The following PTPN5 variants were observed in gnomAD, a reference collection of about 807,000 sequenced individuals.
PTPN5 encodes the protein protein tyrosine phosphatase non-receptor type 5.
Under a neutral mutation model 73.9 loss-of-function variants are expected in PTPN5, and 29 were observed. The ratio of observed to expected loss-of-function variants is 0.39; its 90% CI spans 0.29 to 0.54. The LOEUF is 0.54. Ranked by LOEUF, PTPN5 falls within the 20% of genes least tolerant of loss-of-function variation. PTPN5 has a pLI of 0.65. For missense variants in PTPN5, 652 were observed against 751.4 expected (o/e 0.87, Z 1.55); for synonymous variants, 267 against 304.7 (o/e 0.88, Z 1.29).
chr11:18,729,581 G>T lies in PTPN5; in HGVS notation c.1491-15C>A, dbSNP rs747214022. 7.0e-6 allele frequency: 11 copies of T among 1,573,198 alleles called. No individual in the cohort carries two copies. Among genetic ancestry groups the T allele is most frequent in the Non-Finnish European group, 9.5e-6 (11 of 1,155,452 alleles). On this transcript the variant is annotated splice_polypyrimidine_tract_variant and intron_variant, in intron 13 of 14. Transcript: ENST00000358540. This position sits in a 1 kb window ranked among gnomAD's most constrained non-coding sequence, Gnocchi z 5.2. The stretch of plus-strand genomic sequence containing the variant: ...CAATCCCTGCACTGAGGGCCGAGGG[G>T]ACCGGTGGGGTGAGGGGCAGGGCAG...
rs1851946176 is a variant in PTPN5 at position 18,791,793 on chromosome 11, A to G, written c.-382T>C. 1.3e-5 allele frequency: 2 copies of G among 152,070 alleles called. No homozygotes were observed. Among genetic ancestry groups the G allele is most frequent in the African/African-American group, 2.4e-5 (1 of 41,508 alleles). 9.4% of individuals were successfully genotyped at this position (152,070 alleles called of 1,614,324 possible). A position where few individuals can be genotyped will look rare whatever the true frequency, so the allele number is the denominator to read the frequency against. ...GCCTCACCAAATGCGCTTCAGCTGC[A>G]GAGTCGCTGGCGCAGCCGCCGGGTG... On this transcript the variant is annotated 5_prime_UTR_variant, in exon 1 of 15. Coordinates refer to ENST00000358540, the MANE Select transcript of PTPN5 (RefSeq NM_006906.2).
At chr11:18,746,195 ATT>A (rs1554916252) in intron 3 of PTPN5, among the ~76,000 whole-genome samples, 3 of 114,012 alleles carry the variant, frequency 2.6e-5, no homozygotes, top group African/African-American at 3.2e-5. Context: ...ATATATATAC[ATT>A]TTTTTTTTTT....
At chr11:18,774,490 T>A (rs1261232811) in intron 1 of PTPN5, among the ~76,000 whole-genome samples, 1 of 152,164 alleles carries the variant, frequency 6.6e-6, no homozygotes, top group African/African-American at 2.4e-5. Context: ...TGAACTGAAT[T>A]TACCAGCTTC....
chr11:18,773,113 G>C (rs950855314), intron 1 of PTPN5, among the ~76,000 whole-genome samples: 1 of 152,124 alleles, frequency 6.6e-6, no homozygotes. Context: ...TCTAAAAGGG[G>C]AGTGTGGAAA....
intron 1 of PTPN5, among the ~76,000 whole-genome samples, chr11:18,783,478 T>TAGG (rs1851534133): frequency 6.6e-6 from 1 of 152,234 alleles, no homozygotes; most frequent in South Asian, 2.1e-4. Context: ...GTCTCTCCTG[T>TAGG]GTTCCCACAG....
intron 12 of PTPN5, 122 bp downstream of exon 12, chr11:18,732,470 C>G (rs978284818): frequency 1.2e-5 from 9 of 726,054 alleles, no homozygotes; most frequent in Non-Finnish European, 1.9e-5. Flanking sequence ...ATCAGAAAAT[C>G]TGGGAGTGAC....
At chr11:18,734,873 T>A (rs1004335254) in intron 9 of PTPN5, among the ~76,000 whole-genome samples, 8 of 152,278 alleles carry the variant, frequency 5.3e-5, no homozygotes, top group African/African-American at 7.2e-5. Flanking sequence ...AGTGTGCACA[T>A]TAGGAGGCTC....
At chr11:18,757,142 T>TA (rs1254289666) in intron 3 of PTPN5, among the ~76,000 whole-genome samples, 1 of 152,058 alleles carries the variant, frequency 6.6e-6, no homozygotes, top group Non-Finnish European at 1.5e-5. Flanking sequence ...TAAGAAACCA[T>TA]AAAAAAATGA....
chr11:18,753,670 T>C (rs984701067), intron 3 of PTPN5, among the ~76,000 whole-genome samples: 1 of 152,186 alleles, frequency 6.6e-6, no homozygotes, highest in Non-Finnish European at 1.5e-5. Flanking sequence ...CCTAGGATGT[T>C]AATGTCAAGG....
rs2134221860 is a variant in PTPN5, at chr11:18,742,294, T to C, written c.693A>G (p.Ser231=). The C allele has an allele frequency of 1.2e-6, 2 of 1,613,872 alleles. No individual in the cohort carries two copies. Among genetic ancestry groups the C allele is most frequent in the South Asian group, 2.2e-5 (2 of 91,060 alleles). ...MDIKPEADPT[S]LTVKSMGLQE... is the part of the protein sequence containing the mutation. ...GCAGACCCATGGACTTGACGGTGAG[T>C]GAGGTGGGGTCAGCCTCAGGCTTGA... Residue 231 remains serine, a synonymous_variant, in exon 7 of 15, where the codon TCA becomes TCG. Coordinates refer to ENST00000358540, the MANE Select transcript of PTPN5 (RefSeq NM_006906.2). This position sits in a 1 kb window ranked among gnomAD's most constrained non-coding sequence, Gnocchi z 4.1.
chr11:18,743,567 G>A (rs1849474665), intron 4 of PTPN5, 138 bp from the exon 5 acceptor site: 1 of 754,760 alleles, frequency 1.3e-6, no homozygotes, highest in African/African-American at 1.7e-5. Context: ...GCAGCTGAGA[G>A]CAGGGCCCCG....
intron 1 of PTPN5, among the ~76,000 whole-genome samples, chr11:18,775,084 T>TGGAGGAAC (rs1319606414): frequency 6.6e-6 from 1 of 152,194 alleles, no homozygotes; most frequent in African/African-American, 2.4e-5. Context: ...CAGCAGCCCC[T>TGGAGGAAC]GGAGGAACGT....
At position 18,741,565 on chromosome 11, in the gene PTPN5, ATCTGGCTCACCC is replaced by A. The variant is rs573141840; in HGVS notation, c.725+685_725+696del. ...ACATGGGTAACTCAAATTTGGTGTG[ATCTGGCTCACCC>A]ACCTAGACTCTGAAACGAGGGTGTC... is the stretch of plus-strand genomic sequence containing the variant. On this transcript the variant is annotated intron_variant, in intron 7 of 14. Transcript: ENST00000358540. Among the ~76,000 whole-genome samples, 43 of 152,284 alleles carry A rather than the reference ATCTGGCTCACCC, an allele frequency of 2.8e-4. 1 individual carries two copies. The South Asian group carries it at 8.7e-3, about 31-fold the overall frequency.
chr11:18,742,603 T>A lies in PTPN5; in HGVS notation c.484-100A>T. On this transcript the variant is annotated intron_variant, in intron 6 of 14. Transcript: ENST00000358540. The surrounding 1 kb of genome is among the most constrained non-coding windows in gnomAD (Gnocchi z 4.1). Reference sequence around the variant, plus strand: ...TTGACGCCCCCCCACTCCCTCAGTGTGTCTAGAGCAGCTCTGCTCTCCTGG... The same window carrying A: ...TTGACGCCCCCCCACTCCCTCAGTGAGTCTAGAGCAGCTCTGCTCTCCTGG... The A allele has an allele frequency of 6.6e-7, 1 of 1,511,056 alleles. No individual in the cohort carries two copies. The highest frequency in any genetic ancestry group is 2.3e-5 in the East Asian group (1 of 42,712). The allele number at this position is 1,511,056 out of a possible 1,614,324, so 93.6% of individuals were successfully genotyped here.
intron 3 of PTPN5, among the ~76,000 whole-genome samples, chr11:18,748,819 T>A (rs1348218822): frequency 6.6e-6 from 1 of 152,152 alleles, no homozygotes; most frequent in Admixed American, 6.5e-5. Flanking sequence ...TGTCATGCAA[T>A]TCAGAAAAGT....
intron 3 of PTPN5, 72 bp from the exon 4 acceptor site, chr11:18,744,271 G>T (rs1849515644): frequency 1.5e-6 from 2 of 1,346,086 alleles, no homozygotes; most frequent in Non-Finnish European, 1.9e-6. Flanking sequence ...ACCCCTTTTG[G>T]GGTGGCTGTG....
At position 18,744,160 on chromosome 11, in the gene PTPN5, G is replaced by A. The variant is rs769876880; in HGVS notation, c.137C>T (p.Ala46Val). 2.1e-5 allele frequency: 33 copies of A among 1,590,176 alleles called. No individual in the cohort carries two copies. The highest frequency in any genetic ancestry group is 2.5e-5 in the Non-Finnish European group (29 of 1,170,938). ...TCTCTGTGAGTCCTGGAGCCCTTCAGCCTCGTCCAGTGCCTCCATCACTAT... is the reference window on the plus strand; with the variant it reads ...TCTCTGTGAGTCCTGGAGCCCTTCAACCTCGTCCAGTGCCTCCATCACTAT... ...QPIVMEALDE[A>V]EGLQDSQREM... Residue 46 changes from alanine to valine, a missense_variant, in exon 4 of 15, where the codon GCT (alanine) becomes GTT (valine). Ala to Val is a moderately conservative substitution (Grantham distance 64, BLOSUM62 0). Transcript: ENST00000358540.
chr11:18,728,808 G>T lies in PTPN5; in HGVS notation c.*126C>A. ...GGGTAGGGGTCAGGCCAGGCTGACA[G>T]AGGACAGAGGGAGCTGACTGAAGGG... On this transcript the variant is annotated 3_prime_UTR_variant, in exon 15 of 15. Coordinates refer to ENST00000358540, the MANE Select transcript of PTPN5 (RefSeq NM_006906.2). The surrounding 1 kb of genome is among the most constrained non-coding windows in gnomAD (Gnocchi z 4.1). 1.2e-6 allele frequency: 1 copy of T among 829,474 alleles called. No homozygotes were observed. Among genetic ancestry groups the T allele is most frequent in the Non-Finnish European group, 1.9e-6 (1 of 525,890 alleles). The allele number at this position is 829,474 out of a possible 1,614,324, so 51.4% of individuals were successfully genotyped here.
intron 1 of PTPN5, among the ~76,000 whole-genome samples, chr11:18,789,466 A>C (rs558539113): frequency 1.3e-5 from 2 of 152,284 alleles, no homozygotes; most frequent in East Asian, 3.9e-4. Flanking sequence ...CTTCACTCTC[A>C]AGGCAGAAAT....
Sources: allele counts gnomAD v4.1 joint callset (sites outside exome capture counted in the v4.1 genomes callset), GRCh38; gene constraint gnomAD v4.1.1; non-coding constraint Gnocchi (gnomAD v3.1); transcripts MANE v1.5; gene names NCBI Gene and HGNC (gene_info 2026-07-23, HGNC 2026-07-21).